ZNF677: variants seen among roughly 807,000 people sequenced by gnomAD.
ZNF677 encodes the protein hypothetical protein MGC48625.
Under a neutral mutation model 8.1 loss-of-function variants are expected in ZNF677, and 5 were observed. The ratio of observed to expected loss-of-function variants is 0.62; its 90% CI spans 0.32 to 1.29. The LOEUF is 1.29. Ranked by LOEUF, ZNF677 falls within the 50% of genes most tolerant of loss-of-function variation. The pLI is 0.05. For missense variants in ZNF677, 685 were observed against 685.9 expected (o/e 1.00, Z 0.01); for synonymous variants, 221 against 225.6 (o/e 0.98, Z 0.18).
At chr19:53,240,090 T>C (rs2091025092) in intron 4 of ZNF677, 1 of 152,222 alleles carries the variant, frequency 6.6e-6, no homozygotes, top group Non-Finnish European at 1.5e-5. Flanking sequence ...TTGCACAAGT[T>C]GTTTAGACAG....
In ZNF677 at chr19:53,237,541, T is replaced by C. The variant is rs1555810004; in HGVS notation, c.1186A>G (p.Ile396Val). ...ERSSLTQHKR[I>V]HTGEKPYICN... The stretch of plus-strand genomic sequence containing the variant: ...ATGTAAGGCTTCTCTCCAGTATGGA[T>C]TCTCTTATGTTGGGTAAGGCTTGAA... Residue 396 changes from isoleucine to valine, a missense_variant, in exon 5 of 5, where the codon ATC (isoleucine) becomes GTC (valine). Coordinates refer to ENST00000598513, the MANE Select transcript of ZNF677 (RefSeq NM_182609.4). 2 of 1,613,824 alleles carry C rather than the reference T, an allele frequency of 1.2e-6. No homozygotes were observed. Among genetic ancestry groups the C allele is most frequent in the Admixed American group, 1.7e-5 (1 of 60,000 alleles).
chr19:53,237,388 C>G lies in ZNF677; in HGVS notation c.1339G>C (p.Val447Leu), dbSNP rs1189056850. The part of the protein sequence containing the change: ...GRAFIQSSSL[V>L]EHQRIHTGEK... ...CCAGTGTGAATTCTCTGATGTTCCA[C>G]AAGACTTGAACTTTGGATAAAAGCC... The change falls in exon 5 of 5, where the codon GTG becomes CTG. Residue 447 changes from valine (V) to leucine (L), a missense_variant. Physicochemically the swap from Val to Leu is conservative, Grantham distance 32. Coordinates refer to ENST00000598513, the MANE Select transcript of ZNF677 (RefSeq NM_182609.4). The G allele has an allele frequency of 6.2e-7, 1 of 1,613,790 alleles. No individual in the cohort carries two copies. The highest frequency in any genetic ancestry group is 1.7e-5 in the Admixed American group (1 of 59,986).
intron 2 of ZNF677, 69 bp from the exon 3 acceptor site, chr19:53,251,674 A>C: frequency 2.8e-6 from 3 of 1,090,246 alleles, no homozygotes; most frequent in Non-Finnish European, 4.0e-6. Context: ...ACACACACAC[A>C]GGAAGAGGCT....
rs370631038 is a variant in ZNF677 at position 53,238,576 on chromosome 19, A to C, written c.170-19T>G. The C allele has an allele frequency of 3.7e-5, 56 of 1,521,242 alleles. No homozygotes were observed. The African/African-American group carries it at 7.2e-4, about 20-fold the overall frequency. The allele number at this position is 1,521,242 out of a possible 1,614,324, so 94.2% of individuals were successfully genotyped here. The stretch of plus-strand genomic sequence containing the variant: ...GAAATATCTGAAAGATATTAAAAAA[A>C]CCACAGGCTTTCCATCAAATAGAGT... On this transcript the variant is annotated intron_variant, in intron 4 of 4. Coordinates refer to ENST00000598513, the MANE Select transcript of ZNF677 (RefSeq NM_182609.4).
rs138536587 is a variant in ZNF677 at position 53,238,100 on chromosome 19, C to G, written c.627G>C (p.Glu209Asp). 1.8e-5 allele frequency: 29 copies of G among 1,614,042 alleles called. No individual in the cohort carries two copies. The East Asian group carries it at 6.0e-4, about 33-fold the overall frequency. ...CAACTGGATTACATTCATACATTTT[C>G]TCCCCAGTTTGAAATCTCTGTAGTT... ...LAELQRFQTG[E>D]KMYECNPVEK... is the part of the protein sequence containing the mutation. Residue 209 changes from glutamate to aspartate, a missense_variant, in exon 5 of 5, where the codon GAG becomes GAC. Physicochemically the swap from Glu to Asp is conservative, Grantham distance 45 (BLOSUM62 2). Coordinates refer to ENST00000598513, the MANE Select transcript of ZNF677 (RefSeq NM_182609.4).
Position 53,251,611 on chromosome 19 carries a change from T to TGACTGACTTTCTCAGGTAA in ZNF677, c.-55-7_-55-6insTTACCTGAGAAAGTCAGTC. On this transcript the variant is annotated splice_polypyrimidine_tract_variant and splice_region_variant and intron_variant, in intron 2 of 4. Coordinates refer to ENST00000598513, the MANE Select transcript of ZNF677 (RefSeq NM_182609.4). ...TCTTTCTCAGGTAAGTCAGTCTGTA[T>TGACTGACTTTCTCAGGTAA]GTCAAAAATATGTTGTTTAATGCTT... is the stretch of plus-strand genomic sequence containing the variant. 1 of 1,610,068 alleles carries TGACTGACTTTCTCAGGTAA rather than the reference T, an allele frequency of 6.2e-7. No homozygotes were observed. The highest frequency in any genetic ancestry group is 8.5e-7 in the Non-Finnish European group (1 of 1,177,594).
chr19:53,254,760 C>CA (rs2091289366), intron 1 of ZNF677, 74 bp downstream of exon 1: 1 of 152,634 alleles, frequency 6.6e-6, no homozygotes, highest in South Asian at 2.1e-4. Flanking sequence ...AGGGCGACCC[C>CA]AAAACCCGAC....
At chr19:53,246,290 C>G (rs1192335957) in intron 3 of ZNF677, among the ~76,000 whole-genome samples, 1 of 130,586 alleles carries the variant, frequency 7.7e-6, no homozygotes, top group African/African-American at 3.1e-5. Context: ...TGCACTCCAG[C>G]CTGGGTGACA....
rs141331857 is a variant in ZNF677 at position 53,238,287 on chromosome 19, T to A, written c.440A>T (p.Gln147Leu). 1.9e-6 allele frequency: 3 copies of A among 1,613,770 alleles called. No homozygotes were observed. The African/African-American group carries it at 4.0e-5, about 22-fold the overall frequency. Residue 147 changes from glutamine to leucine, a missense_variant, in exon 5 of 5, where the codon CAG becomes CTG. Transcript: ENST00000598513. ...TGCACTATCTCTTATAGAAACACTCTGCTTTAAAGAGAAATGTATTGAGGA... is the reference window on the plus strand; with the variant it reads ...TGCACTATCTCTTATAGAAACACTCAGCTTTAAAGAGAAATGTATTGAGGA... ...NKSSIHFSLK[Q>L]SVSIRDSAHQ...
At chr19:53,251,784 C>A (rs955273959) in intron 2 of ZNF677, among the ~76,000 whole-genome samples, 179 bp from the exon 3 acceptor site, 8 of 152,150 alleles carry the variant, frequency 5.3e-5, no homozygotes, top group African/African-American at 1.9e-4. Context: ...AGGAGTTATT[C>A]CACCTATGTC....
chr19:53,239,322 C>T (rs1256625608), intron 4 of ZNF677: 1 of 152,006 alleles, frequency 6.6e-6, no homozygotes, highest in African/African-American at 2.4e-5. Context: ...TTATGAACTA[C>T]AGAAAAAACA....
chr19:53,248,654 T>A (rs2091184946), intron 3 of ZNF677, among the ~76,000 whole-genome samples: 1 of 152,202 alleles, frequency 6.6e-6, no homozygotes, highest in Non-Finnish European at 1.5e-5. Context: ...GCCTCCATAG[T>A]TTCTGATGAG....
In ZNF677 at chr19:53,237,410, A is replaced by C. The variant is rs780004381; in HGVS notation, c.1317T>G (p.Ala439=). 6.2e-7 allele frequency: 1 copy of C among 1,613,966 alleles called. No homozygotes were observed. The highest frequency in any genetic ancestry group is 1.6e-4 in the Middle Eastern group (1 of 6,062). The part of the protein sequence containing the change: ...KPHKCNVCGR[A]FIQSSSLVEH... Reference sequence around the variant, plus strand: ...CCACAAGACTTGAACTTTGGATAAAAGCCCTGCCACACACATTACATTTGT... The same window carrying C: ...CCACAAGACTTGAACTTTGGATAAACGCCCTGCCACACACATTACATTTGT... The change falls in exon 5 of 5, where the codon GCT becomes GCG. Residue 439 remains alanine (A), a synonymous_variant. Coordinates refer to ENST00000598513, the MANE Select transcript of ZNF677 (RefSeq NM_182609.4).
In ZNF677 at chr19:53,237,114, A is replaced by T; in HGVS notation, c.1613T>A (p.Ile538Asn). 1 of 1,613,872 alleles carries T rather than the reference A, an allele frequency of 6.2e-7. No homozygotes were observed. The highest frequency in any genetic ancestry group is 8.5e-7 in the Non-Finnish European group (1 of 1,179,934). The change falls in exon 5 of 5, where the codon ATT (isoleucine) becomes AAT (asparagine). Residue 538 changes from isoleucine (I) to asparagine (N), a missense_variant. Coordinates refer to ENST00000598513, the MANE Select transcript of ZNF677 (RefSeq NM_182609.4). ...ATTATGTTTACAATGTTTCTTTTCA[A>T]TGTGTATTTTCTGGTGTCTAGTGAG... is the stretch of plus-strand genomic sequence containing the variant. ...ANLTRHQKIH[I>N]EKKHCKHNIH...
Position 53,236,220 on chromosome 19 carries a change from T to C in ZNF677, c.*752A>G, listed in dbSNP as rs2090971781. On this transcript the variant is annotated 3_prime_UTR_variant, in exon 5 of 5. Transcript: ENST00000598513. ...CTCTGTCTCCAAAAAAAGAAAAAATTAGTGTTCTTGCTTTTTCCAGGTTTC... is the reference window on the plus strand; with the variant it reads ...CTCTGTCTCCAAAAAAAGAAAAAATCAGTGTTCTTGCTTTTTCCAGGTTTC... 1.3e-5 allele frequency: 2 copies of C among 151,948 alleles called. No homozygotes were observed. The highest frequency in any genetic ancestry group is 6.6e-5 in the Admixed American group (1 of 15,258). The allele number at this position is 151,948 out of a possible 1,614,324, so 9.4% of individuals were successfully genotyped here.
At chr19:53,244,208 A>T (rs1029087118) in intron 3 of ZNF677, among the ~76,000 whole-genome samples, 3 of 151,880 alleles carry the variant, frequency 2.0e-5, no homozygotes, top group African/African-American at 4.8e-5. Context: ...TAAAAAATTT[A>T]AAAAATTAGC....
intron 4 of ZNF677, chr19:53,243,442 GA>G: frequency 2.2e-6 from 1 of 460,478 alleles, no homozygotes; most frequent in Non-Finnish European, 3.8e-6. Context: ...TGCAGACTCT[GA>G]AAAAACTACT....
At chr19:53,249,372 C>G (rs985064261) in intron 3 of ZNF677, 1 of 152,172 alleles carries the variant, frequency 6.6e-6, no homozygotes, top group African/African-American at 2.4e-5. Context: ...TGCTCAGAGG[C>G]AGCCAATGCG....
intron 4 of ZNF677, chr19:53,239,938 C>T (rs2091021878): frequency 6.6e-6 from 1 of 152,248 alleles, no homozygotes; most frequent in African/African-American, 2.4e-5. Flanking sequence ...CCACTGGCCA[C>T]CCAGGGCAGC....
Sources: gnomAD v4.1 joint callset for allele counts (sites outside exome capture counted in the v4.1 genomes callset) on GRCh38, gnomAD v4.1.1 for gene constraint, MANE v1.5 for transcripts, NCBI Gene and HGNC (gene_info 2026-07-23, HGNC 2026-07-21) for gene names.